The following STT3B variants were observed in gnomAD, a reference collection of about 807,000 sequenced individuals.
STT3B encodes the protein STT3 oligosaccharyltransferase complex catalytic subunit B, also known as dolichyl-diphosphooligosaccharide--protein glycosyltransferase subunit STT3B.
In STT3B, 29 loss-of-function variants were observed where a neutral mutation model predicts 96.8. That is an observed-to-expected ratio of 0.30 (90% confidence interval 0.22 to 0.41). The LOEUF is 0.41. STT3B is among the 10% of genes least tolerant of loss of function. STT3B has a pLI of 1.00. For missense variants in STT3B, 640 were observed against 1,022.3 expected, an observed-to-expected ratio of 0.63 and a Z score of 5.10; for synonymous variants, 367 against 360.0, an observed-to-expected ratio of 1.02 and a Z score of -0.22.
chr3:31,554,540 C>T (rs560606947), intron 1 of STT3B, among the ~76,000 whole-genome samples: 48 of 151,722 alleles, frequency 3.2e-4, no homozygotes, highest in Admixed American at 1.1e-3. Context: ...TTCCCAAAAC[C>T]GCGTCAGCAG....
chr3:31,571,038 G>A (rs1227982943), intron 1 of STT3B, among the ~76,000 whole-genome samples: 1 of 152,136 alleles, frequency 6.6e-6, no homozygotes, highest in Non-Finnish European at 1.5e-5. Context: ...GAAGCCCAAG[G>A]TCAAAGCCTA....
chr3:31,596,622 G>A (rs1216971613), intron 3 of STT3B, among the ~76,000 whole-genome samples, 176 bp from the exon 4 acceptor site: 2 of 152,186 alleles, frequency 1.3e-5, no homozygotes, highest in Admixed American at 6.5e-5. Context: ...GTCTCAGTGT[G>A]CTGCTCAGTG....
intron 1 of STT3B, among the ~76,000 whole-genome samples, chr3:31,549,589 A>G (rs1256504169): frequency 6.6e-6 from 1 of 152,142 alleles, no homozygotes; most frequent in East Asian, 1.9e-4. Context: ...TACATTTTAT[A>G]TTTATAGTAT....
intron 11 of STT3B, among the ~76,000 whole-genome samples, chr3:31,624,667 C>T (rs563673229): frequency 2.4e-4 from 33 of 138,996 alleles, no homozygotes; most frequent in Admixed American, 1.2e-3. Context: ...GAATCAGAAT[C>T]GGCTTTTTTT....
chr3:31,549,394 A>G (rs1186812587), intron 1 of STT3B, among the ~76,000 whole-genome samples: 1 of 151,354 alleles, frequency 6.6e-6, no homozygotes, highest in Admixed American at 6.6e-5. Flanking sequence ...GCCTGTATAC[A>G]TTGCTTATTT....
intron 2 of STT3B, 63 bp downstream of exon 2, chr3:31,576,567 A>C: frequency 2.0e-6 from 2 of 989,454 alleles, no homozygotes; most frequent in Non-Finnish European, 2.9e-6. Context: ...GTAAATCATT[A>C]ATTGCCAAGG....
intron 1 of STT3B, among the ~76,000 whole-genome samples, chr3:31,571,079 T>G (rs915613973): frequency 6.6e-6 from 1 of 152,114 alleles, no homozygotes; most frequent in African/African-American, 2.4e-5. Flanking sequence ...AAACCTAATG[T>G]TTGGTCAAGA....
chr3:31,558,114 G>A (rs1697768538), intron 1 of STT3B, among the ~76,000 whole-genome samples: 1 of 152,210 alleles, frequency 6.6e-6, no homozygotes. Context: ...ATAAGATCAG[G>A]TGATATGCAA....
intron 1 of STT3B, among the ~76,000 whole-genome samples, chr3:31,556,281 C>T (rs932340787): frequency 6.6e-6 from 1 of 152,142 alleles, no homozygotes; most frequent in African/African-American, 2.4e-5. Context: ...ATATACCACA[C>T]TTCCTTTATT....
chr3:31,570,568 A>G (rs1236522479), intron 1 of STT3B, among the ~76,000 whole-genome samples: 3 of 152,224 alleles, frequency 2.0e-5, no homozygotes, highest in Non-Finnish European at 4.4e-5. Context: ...CTCAAAAAGC[A>G]GGTGTGATAA....
intron 3 of STT3B, among the ~76,000 whole-genome samples, chr3:31,586,974 A>C (rs1484151315): frequency 6.6e-6 from 1 of 152,072 alleles, no homozygotes; most frequent in African/African-American, 2.4e-5. Context: ...TGTTATCTTA[A>C]TATGTAGTCT....
At chr3:31,627,694 G>A (rs73826815) in intron 13 of STT3B, among the ~76,000 whole-genome samples, 7,678 of 152,244 alleles carry the variant, frequency 0.05, 669 homozygotes, top group African/African-American at 0.17. Context: ...ACTGTGATTA[G>A]TAAACATTAT....
intron 1 of STT3B, among the ~76,000 whole-genome samples, chr3:31,534,310 A>G (rs1376337344): frequency 6.6e-6 from 1 of 152,230 alleles, no homozygotes; most frequent in African/African-American, 2.4e-5. Context: ...AACACTAGCT[A>G]ACTTAGACAC....
Position 31,565,864 on chromosome 3 carries a change from T to G in STT3B, c.315-10532T>G, listed in dbSNP as rs184794484. On this transcript the variant is annotated intron_variant, in intron 1 of 15. Transcript: ENST00000295770. ...TATTAGACTTCTCTGTCCTTTTATTTCCAAAGTAACTTTAGAAAGGGCATA... is the reference window on the plus strand; with the variant it reads ...TATTAGACTTCTCTGTCCTTTTATTGCCAAAGTAACTTTAGAAAGGGCATA... 2.2e-4 allele frequency among the ~76,000 whole-genome samples: 34 copies of G among 152,300 alleles called. No individual in the cohort carries two copies. In the East Asian group the frequency reaches 5.2e-3, roughly 23 times the overall value.
chr3:31,632,581 C>T (rs1699686364), intron 14 of STT3B, among the ~76,000 whole-genome samples: 1 of 151,610 alleles, frequency 6.6e-6, no homozygotes, highest in Non-Finnish European at 1.5e-5. Context: ...GTGCAAGGCC[C>T]TGAAACAGAA....
intron 13 of STT3B, among the ~76,000 whole-genome samples, chr3:31,627,977 G>A (rs1699569969): frequency 6.7e-6 from 1 of 149,808 alleles, no homozygotes; most frequent in Non-Finnish European, 1.5e-5. Flanking sequence ...CAAAAATAAA[G>A]TATAAGAGGA....
intron 1 of STT3B, among the ~76,000 whole-genome samples, chr3:31,535,623 T>C (rs1441460401): frequency 6.6e-6 from 1 of 152,068 alleles, no homozygotes; most frequent in Non-Finnish European, 1.5e-5. Context: ...CTTGGGAGGC[T>C]GAGGCAGGAG....
chr3:31,609,530 T>C (rs1191259133), intron 5 of STT3B, among the ~76,000 whole-genome samples: 1 of 152,326 alleles, frequency 6.6e-6, no homozygotes, highest in East Asian at 1.9e-4. Flanking sequence ...TTGTTTAGAT[T>C]TGTTTTTTCA....
chr3:31,535,812 G>A (rs181170479), intron 1 of STT3B, among the ~76,000 whole-genome samples: 8 of 152,304 alleles, frequency 5.3e-5, no homozygotes, highest in Admixed American at 4.6e-4. Flanking sequence ...TGTACCATTT[G>A]AAAGTATACA....
Sources: gnomAD v4.1 joint callset for allele counts (sites outside exome capture counted in the v4.1 genomes callset) on GRCh38, gnomAD v4.1.1 for gene constraint, MANE v1.5 for transcripts, NCBI Gene and HGNC (gene_info 2026-07-23, HGNC 2026-07-21) for gene names.